The following NBPF20 variants were observed in gnomAD, a reference collection of about 807,000 sequenced individuals.
The protein encoded by NBPF20 is NBPF member 20, also known as NBPF family member NBPF20.
In NBPF20, 90 loss-of-function variants were observed where a neutral mutation model predicts 68.1. The ratio of observed to expected loss-of-function variants is 1.32; its 90% CI spans 1.11 to 1.58. The LOEUF is 1.58. Among genes scored for constraint, NBPF20 ranks in the 40% most tolerant of loss-of-function variants. NBPF20 has a pLI of 0.00. For missense variants in NBPF20, 816 were observed against 601.2 expected (o/e 1.36, Z -3.74); for synonymous variants, 290 against 228.1 (o/e 1.27, Z -2.45).
the NBPF20 span, among the ~76,000 whole-genome samples, chr1:145,419,832 G>A: frequency 6.6e-6 from 1 of 152,164 alleles, no homozygotes; most frequent in African/African-American, 2.4e-5. Context: ...CCCCATGAAT[G>A]CTCAGTGAAA....
chr1:145,417,755 T>C, the NBPF20 span, among the ~76,000 whole-genome samples: 1 of 144,758 alleles, frequency 6.9e-6, no homozygotes, highest in Non-Finnish European at 1.5e-5. Context: ...CAACGAGATA[T>C]CACTGTAAAC....
intron 130 of NBPF20, chr1:145,297,756 A>C (rs1417799758): frequency 9.6e-5 from 4 of 41,746 alleles, no homozygotes; most frequent in Non-Finnish European, 1.6e-4. Context: ...GTACGGCCTG[A>C]GACTAGGAAG....
intron 2 of NBPF20, among the ~76,000 whole-genome samples, chr1:145,404,227 C>G (rs1163883743): frequency 7.1e-6 from 1 of 141,102 alleles, no homozygotes; most frequent in East Asian, 2.2e-4. Flanking sequence ...AAGCTACTCT[C>G]TGCTTTTTAT....
At chr1:145,408,856 A>G (rs1662906575), upstream of NBPF20, among the ~76,000 whole-genome samples, 2 of 151,812 alleles carry the variant, frequency 1.3e-5, no homozygotes, top group South Asian at 2.1e-4. Flanking sequence ...GTTTTATTGA[A>G]TTTCATTTTC....
At chr1:145,411,922 C>T in the NBPF20 span, among the ~76,000 whole-genome samples, 7 of 70,426 alleles carry the variant, frequency 9.9e-5, 1 homozygote, top group Middle Eastern at 4.1e-3. Context: ...ACAGACCGCA[C>T]GGCCCCAGAG....
intron 8 of NBPF20, 91 bp downstream of exon 13, chr1:145,394,887 T>G: frequency 1.3e-6 from 2 of 1,525,332 alleles, no homozygotes; most frequent in South Asian, 1.1e-5. Flanking sequence ...ATGGCAAATC[T>G]CAGCCCAACA....
At chr1:145,402,210 C>T in exon 4 of NBPF20, 5 of 1,599,134 alleles carry the variant, frequency 3.1e-6, no homozygotes, top group Non-Finnish European at 4.3e-6. Flanking sequence ...GTCTACACCC[C>T]TCAGCCAGCT....
rs1662156542 is a variant in NBPF20 at position 145,395,051 on chromosome 1, G to A, written c.918C>T (p.Ala306=). The change falls in exon 8 of 138, where the codon GCC becomes GCT. Residue 306 remains alanine, a synonymous_variant. Coordinates refer to ENST00000369373, the Ensembl canonical transcript of NBPF20. The stretch of plus-strand genomic sequence containing the variant: ...ATGTGCTGCTGTAAGACTGGTACGA[G>A]GCCAACATTTCAGGAGGAATTGAGA... The A allele has an allele frequency of 2.5e-6, 4 of 1,611,382 alleles. No homozygotes were observed. The South Asian group carries it at 3.3e-5, about 13-fold the overall frequency.
the NBPF20 span, among the ~76,000 whole-genome samples, chr1:145,425,015 G>C: frequency 6.6e-6 from 1 of 152,148 alleles, no homozygotes; most frequent in African/African-American, 2.4e-5. Flanking sequence ...GTCTGGCCTC[G>C]AGGGTGGGGT....
the NBPF20 span, among the ~76,000 whole-genome samples, chr1:145,423,568 G>GAA: frequency 1.8e-4 from 27 of 152,146 alleles, 1 homozygote; most frequent in Admixed American, 5.9e-4. Context: ...CACATATCCG[G>GAA]AAAAAAGTAT....
chr1:145,291,892 G>T, intron 137 of NBPF20, 123 bp from the exon 143 acceptor site: 5 of 1,572,902 alleles, frequency 3.2e-6, no homozygotes, highest in Non-Finnish European at 4.3e-6. Flanking sequence ...CCATTAATGA[G>T]GTAAAAAAAA....
upstream of NBPF20, among the ~76,000 whole-genome samples, chr1:145,410,084 T>C (rs1302392390): frequency 6.6e-6 from 1 of 152,060 alleles, no homozygotes; most frequent in East Asian, 1.9e-4. Flanking sequence ...TGTGTTACGT[T>C]TAACCTTTAA....
chr1:145,407,704 C>A (rs1360601267), upstream of NBPF20: 1 of 152,428 alleles, frequency 6.6e-6, no homozygotes, highest in Non-Finnish European at 1.5e-5. Context: ...ACCCGCCAGC[C>A]CAGGCGGCCC....
At chr1:145,407,614 T>C (rs1406813670), upstream of NBPF20, among the ~76,000 whole-genome samples, 1 of 150,016 alleles carries the variant, frequency 6.7e-6, no homozygotes, top group Admixed American at 6.7e-5. Flanking sequence ...CTTTTTTAAG[T>C]GGCGGAGCGA....
chr1:145,292,307 C>G (rs1305171904), intron 137 of NBPF20, 74 bp downstream of exon 142: 1 of 622,798 alleles, frequency 1.6e-6, no homozygotes, highest in Non-Finnish European at 2.8e-6. Flanking sequence ...ACATCAAACA[C>G]ACTCTGGTTT....
intron 2 of NBPF20, among the ~76,000 whole-genome samples, chr1:145,404,342 T>A (rs111926522): frequency 6.6e-6 from 1 of 152,014 alleles, no homozygotes; most frequent in African/African-American, 2.4e-5. Context: ...CACTGCAACA[T>A]CTGCCTGCTG....
At chr1:145,404,915 C>T (rs587608101) in intron 2 of NBPF20, among the ~76,000 whole-genome samples, 183 bp downstream of exon 7, 70 of 151,814 alleles carry the variant, frequency 4.6e-4, no homozygotes, top group Non-Finnish European at 7.9e-4. Context: ...TGATTGCAAA[C>T]ATGGAAAGTT....
intron 7 of NBPF20, among the ~76,000 whole-genome samples, chr1:145,395,651 C>T (rs1553663631): frequency 1.3e-5 from 2 of 149,582 alleles, no homozygotes; most frequent in East Asian, 1.9e-4. Flanking sequence ...ATGTATACAC[C>T]TCTCCCTGGA....
chr1:145,290,099 A>T (rs1553656913), exon 138 of NBPF20: 1 of 149,614 alleles, frequency 6.7e-6, no homozygotes, highest in South Asian at 2.1e-4. Context: ...TTGCAACAGC[A>T]GACACTAGTA....
Sources: allele counts gnomAD v4.1 joint callset (sites outside exome capture counted in the v4.1 genomes callset), GRCh38; gene constraint gnomAD v4.1.1; transcripts MANE v1.5; gene names NCBI Gene and HGNC (gene_info 2026-07-23, HGNC 2026-07-21).